Variants in KIF4A observed in about 807,000 individuals in gnomAD.
The protein encoded by KIF4A is chromosome-associated kinesin KIF4A.
Under a neutral mutation model 105.9 loss-of-function variants are expected in KIF4A, and 7 were observed. The ratio of observed to expected loss-of-function variants is 0.07; its 90% CI spans 0.04 to 0.12. The LOEUF (loss-of-function observed/expected upper bound fraction) is 0.12, where lower values mean the gene tolerates loss of function less well. Among genes scored for constraint, KIF4A ranks in the 10% least tolerant of loss-of-function variants. The pLI, the probability that KIF4A is intolerant of heterozygous loss-of-function variation, is 1.00. For synonymous variants in KIF4A, 281 were observed against 331.3 expected (o/e 0.85, Z 1.65); for missense variants, 558 against 929.2 (o/e 0.60, Z 5.19).
intron 13 of KIF4A, among the ~76,000 whole-genome samples, chrX:70,346,445 C>T (rs144752122): frequency 0.014 from 1,597 of 111,459 alleles, 21 homozygotes; most frequent in Non-Finnish European, 0.024. Flanking sequence ...AATACCACCT[C>T]ATTTCTGGGG....
intron 11 of KIF4A, 103 bp from the exon 12 acceptor site, chrX:70,343,600 A>C: frequency 1.2e-5 from 8 of 693,415 alleles, no homozygotes; most frequent in Non-Finnish European, 1.8e-5. Flanking sequence ...ACAGCAAAGG[A>C]GACAGCCTCT....
chrX:70,324,014 G>A (rs1379978166), intron 7 of KIF4A, among the ~76,000 whole-genome samples: 1 of 110,480 alleles, frequency 9.1e-6, no homozygotes, highest in Admixed American at 9.7e-5. Flanking sequence ...TTTTAGTAGA[G>A]ACAGGGTCTC....
intron 18 of KIF4A, among the ~76,000 whole-genome samples, chrX:70,384,670 G>C (rs1365446066): frequency 9.0e-6 from 1 of 110,975 alleles, no homozygotes; most frequent in East Asian, 2.8e-4. Flanking sequence ...GTTGCAGTGA[G>C]CAGAGATCGA....
intron 28 of KIF4A, among the ~76,000 whole-genome samples, chrX:70,413,402 G>C (rs1326531311): frequency 8.9e-6 from 1 of 111,817 alleles, no homozygotes; most frequent in Non-Finnish European, 1.9e-5. Flanking sequence ...GGGAGGCCGA[G>C]GTGGGCGGAT....
intron 5 of KIF4A, among the ~76,000 whole-genome samples, chrX:70,299,942 A>G (rs1030860415): frequency 1.9e-4 from 21 of 112,008 alleles, no homozygotes; most frequent in African/African-American, 6.5e-4. Context: ...AGAGTTTCCT[A>G]TGTGGGAGTG....
intron 13 of KIF4A, among the ~76,000 whole-genome samples, chrX:70,350,378 G>C (rs1047166423): frequency 8.9e-6 from 1 of 111,775 alleles, no homozygotes; most frequent in Non-Finnish European, 1.9e-5. Context: ...CCAGGCACTC[G>C]GCAGGCCGAG....
chrX:70,385,841 A>G (rs746248929), intron 18 of KIF4A, among the ~76,000 whole-genome samples: 4 of 112,285 alleles, frequency 3.6e-5, no homozygotes, highest in Admixed American at 9.5e-5. Flanking sequence ...CTGGGAAGAA[A>G]GAGCACATTC....
intron 3 of KIF4A, among the ~76,000 whole-genome samples, chrX:70,293,200 C>T (rs1043222455): frequency 1.3e-4 from 15 of 112,469 alleles, no homozygotes; most frequent in African/African-American, 4.8e-4. Context: ...TTTTTCAAAA[C>T]TTCAAAGTTT....
intron 7 of KIF4A, among the ~76,000 whole-genome samples, chrX:70,311,079 C>T (rs1238458360): frequency 9.4e-6 from 1 of 106,929 alleles, no homozygotes; most frequent in African/African-American, 3.4e-5. Flanking sequence ...GAGCCAAGAT[C>T]GCACCACAGC....
At chrX:70,340,649 T>A (rs1156823791) in intron 10 of KIF4A, among the ~76,000 whole-genome samples, 2 of 111,864 alleles carry the variant, frequency 1.8e-5, no homozygotes, top group Non-Finnish European at 3.8e-5. Context: ...CAGTGTAATA[T>A]GAGACCTTAT....
At chrX:70,330,054 T>C in intron 8 of KIF4A, 103 bp from the exon 9 acceptor site, 1 of 650,019 alleles carries the variant, frequency 1.5e-6, no homozygotes, top group East Asian at 3.3e-5. Flanking sequence ...AACTTTTTCT[T>C]ATAGCTCTGA....
intron 15 of KIF4A, among the ~76,000 whole-genome samples, chrX:70,364,931 G>C (rs1362026291): frequency 9.0e-6 from 1 of 111,433 alleles, no homozygotes; most frequent in Non-Finnish European, 1.9e-5. Context: ...GCAGTGGTTT[G>C]TAGTTCTCCT....
In KIF4A at chrX:70,420,095, C is replaced by T. The variant is rs1445466189; in HGVS notation, c.3529C>T (p.Leu1177=). The T allele has an allele frequency of 8.3e-7, 1 of 1,208,793 alleles. No homozygotes were observed. ...AGAGATGTGCGATGTGGAGCAGGTG[C>T]TGTCAAAGAAGACTCCCCCAGCTCC... ...LKEMCDVEQV[L]SKKTPPAPSP... Residue 1177 remains leucine, a synonymous_variant, in exon 31 of 31, where the codon CTG becomes TTG. Transcript: ENST00000374403.
At chrX:70,411,078 C>T (rs2086320040) in intron 28 of KIF4A, among the ~76,000 whole-genome samples, 1 of 111,865 alleles carries the variant, frequency 8.9e-6, no homozygotes, top group Non-Finnish European at 1.9e-5. Context: ...CAAATATTCT[C>T]ATTTGTCACA....
chrX:70,334,402 A>G (rs905579704), intron 10 of KIF4A, among the ~76,000 whole-genome samples: 30 of 112,072 alleles, frequency 2.7e-4, no homozygotes, highest in African/African-American at 8.8e-4. Flanking sequence ...CACCTCTGAT[A>G]CCATTCCAAT....
chrX:70,395,511 C>T (rs2086255916), intron 20 of KIF4A, among the ~76,000 whole-genome samples, 160 bp from the exon 21 acceptor site: 1 of 111,356 alleles, frequency 9.0e-6, no homozygotes, highest in African/African-American at 3.3e-5. Flanking sequence ...AAAGGCTCTT[C>T]GAGAGGTACT....
rs565084217 is a variant in KIF4A at position 70,380,967 on chromosome X, G to A, written c.2034+4757G>A. ...AGTTCGAGACCAGCCTGGCCAACAC[G>A]GTGAAACCCCGTCTCTACTAAAAAT... On this transcript the variant is annotated intron_variant, in intron 18 of 30. Transcript: ENST00000374403. 2.2e-3 allele frequency among the ~76,000 whole-genome samples: 233 copies of A among 106,725 alleles called. 1 individual carries two copies. Among genetic ancestry groups the A allele is most frequent in the African/African-American group, 7.4e-3 (216 of 29,150 alleles). 92.7% of individuals were successfully genotyped at this position (106,725 alleles called of 115,157 possible). A position where few individuals can be genotyped will look rare whatever the true frequency, so the allele number is the denominator to read the frequency against.
chrX:70,323,810 A>ATATTTATT (rs34799069), intron 7 of KIF4A, among the ~76,000 whole-genome samples: 7,709 of 94,521 alleles, frequency 0.082, 283 homozygotes, highest in South Asian at 0.16. Context: ...CTGGCATTTA[A>ATATTTATT]TATTTATTTA....
chrX:70,341,898 T>A lies in KIF4A; in HGVS notation c.1233T>A (p.Gly411=). The change falls in exon 11 of 31, where the codon GGT becomes GGA. Residue 411 remains glycine (G), a synonymous_variant. Transcript: ENST00000374403. Reference sequence around the variant, plus strand: ...GTCGTGGTCTGAGCGAGGCAGCTGGTCAGACAGCCCAGATGTTGGAGAGGA... The same window carrying A: ...GTCGTGGTCTGAGCGAGGCAGCTGGACAGACAGCCCAGATGTTGGAGAGGA... ...KLSRGLSEAA[G]QTAQMLERII... 8.3e-7 allele frequency: 1 copy of A among 1,209,731 alleles called. No individual in the cohort carries two copies. The highest frequency in any genetic ancestry group is 3.0e-5 in the East Asian group (1 of 33,755).
Sources: gnomAD v4.1 joint callset for allele counts (sites outside exome capture counted in the v4.1 genomes callset) on GRCh38, gnomAD v4.1.1 for gene constraint, MANE v1.5 for transcripts, NCBI Gene and HGNC (gene_info 2026-07-23, HGNC 2026-07-21) for gene names.